The following ERAP2 variants were observed in gnomAD, a reference collection of about 807,000 sequenced individuals.
ERAP2 encodes leukocyte-derived arginine aminopeptidase.
In ERAP2, 118 loss-of-function variants were observed where a neutral mutation model predicts 111.1. The ratio of observed to expected loss-of-function variants is 1.06; its 90% CI spans 0.92 to 1.24. The LOEUF (loss-of-function observed/expected upper bound fraction) is 1.24, where lower values mean the gene tolerates loss of function less well. Among genes scored for constraint, ERAP2 ranks in the 50% most tolerant of loss-of-function variants. ERAP2 has a pLI of 0.00. For missense variants in ERAP2, 1,131 were observed against 1,125.8 expected, an observed-to-expected ratio of 1.00 and a Z score of -0.07; for synonymous variants, 410 against 401.2, an observed-to-expected ratio of 1.02 and a Z score of -0.26.
chr5:96,879,996 C>A lies in ERAP2; in HGVS notation c.311C>A (p.Ala104Asp), dbSNP rs1171664444. Reference sequence around the variant, plus strand: ...AAGATCGAAGTCTTGGTCAGCAATGCTACCCAGTTTATCATCTTGCACAGC... The same window carrying A: ...AAGATCGAAGTCTTGGTCAGCAATGATACCCAGTTTATCATCTTGCACAGC... ...SEKIEVLVSN[A>D]TQFIILHSKD... The change falls in exon 2 of 19, where the codon GCT becomes GAT. Residue 104 changes from alanine to aspartate, a missense_variant. Physicochemically the swap from Ala to Asp is moderately radical, Grantham distance 126. Around this residue, in one of 3 missense-constraint regions of ERAP2, gnomAD observed 847 missense variants for 856.5 expected, o/e 0.99. Coordinates refer to ENST00000437043, the MANE Select transcript of ERAP2 (RefSeq NM_022350.5). 6.2e-7 allele frequency: 1 copy of A among 1,614,072 alleles called. No homozygotes were observed. The highest frequency in any genetic ancestry group is 8.5e-7 in the Non-Finnish European group (1 of 1,180,024).
rs1785292179 is a variant in ERAP2, at chr5:96,900,136, G to T, written c.1519G>T (p.Asp507Tyr). ...SSLSNSCLES[D>Y]FTSGGVCHSD... is the part of the protein sequence containing the mutation. The stretch of plus-strand genomic sequence containing the variant: ...TGTTTTGTAGAGTTGTTTAGAAAGT[G>T]ATTTTACATCTGGTGGAGTTTGTCA... The change falls in exon 10 of 19, where the codon GAT becomes TAT. Residue 507 changes from aspartate (D) to tyrosine (Y), a missense_variant. Asp to Tyr is a radical substitution (Grantham distance 160). Around this residue, in one of 3 missense-constraint regions of ERAP2, gnomAD observed 847 missense variants for 856.5 expected, o/e 0.99. Transcript: ENST00000437043. The T allele has an allele frequency of 6.2e-7, 1 of 1,613,880 alleles. No individual in the cohort carries two copies. Among genetic ancestry groups the T allele is most frequent in the Non-Finnish European group, 8.5e-7 (1 of 1,179,878 alleles).
intron 5 of ERAP2, 125 bp from the exon 6 acceptor site, chr5:96,892,174 T>C (rs1167878193): frequency 1.1e-5 from 10 of 903,058 alleles, no homozygotes; most frequent in Non-Finnish European, 1.7e-5. Context: ...GTTAAGATAT[T>C]CTTGATGTTT....
intron 5 of ERAP2, among the ~76,000 whole-genome samples, chr5:96,891,383 A>G (rs201905352): frequency 4.9e-4 from 73 of 149,842 alleles, no homozygotes; most frequent in South Asian, 8.4e-4. Flanking sequence ...ATATATATAT[A>G]TATGTGTATA....
At chr5:96,914,146 T>TCACACACACACA (rs778108523) in intron 17 of ERAP2, among the ~76,000 whole-genome samples, 5 of 104,724 alleles carry the variant, frequency 4.8e-5, no homozygotes, top group Admixed American at 2.1e-4. Flanking sequence ...TCTCTCTCTC[T>TCACACACACACA]CTCACACACA....
At chr5:96,903,708 C>T (rs1318531262) in intron 13 of ERAP2, 148 bp downstream of exon 13, 1 of 629,660 alleles carries the variant, frequency 1.6e-6, no homozygotes, top group African/African-American at 1.9e-5. Context: ...CAAAGACTAC[C>T]CACTAATAAC....
chr5:96,894,998 A>G (rs1193449578), intron 6 of ERAP2, among the ~76,000 whole-genome samples: 1 of 152,100 alleles, frequency 6.6e-6, no homozygotes, highest in Non-Finnish European at 1.5e-5. Flanking sequence ...GATAGAATGA[A>G]AGTCGAAGAG....
At chr5:96,904,315 T>C (rs536624060) in intron 13 of ERAP2, among the ~76,000 whole-genome samples, 5 of 152,314 alleles carry the variant, frequency 3.3e-5, no homozygotes, top group East Asian at 1.9e-4. Context: ...AGGAAGTATA[T>C]TGTGCATTGC....
At chr5:96,913,540 C>T (rs1367493319) in intron 17 of ERAP2, 83 bp downstream of exon 17, 13 of 1,473,312 alleles carry the variant, frequency 8.8e-6, no homozygotes, top group Non-Finnish European at 1.2e-5. Context: ...AAATGTTTCT[C>T]AAAGCATATA....
In ERAP2 at chr5:96,892,472, A is replaced by T. The variant is rs1784482224; in HGVS notation, c.1125+19A>T. On this transcript the variant is annotated intron_variant, in intron 6 of 18. Coordinates refer to ENST00000437043, the MANE Select transcript of ERAP2 (RefSeq NM_022350.5). ...GCACCAGGTACTTGGCACTCATGAC[A>T]TTATCTCGATATCAGTTCAAAATAA... 6.2e-7 allele frequency: 1 copy of T among 1,613,202 alleles called. No individual in the cohort carries two copies. The highest frequency in any genetic ancestry group is 8.5e-7 in the Non-Finnish European group (1 of 1,179,410).
intron 1 of ERAP2, 77 bp from the exon 2 acceptor site, chr5:96,879,487 C>T: frequency 1.9e-6 from 1 of 536,180 alleles, no homozygotes; most frequent in Non-Finnish European, 3.3e-6. Flanking sequence ...CTCACACATA[C>T]CTTTTTACAT....
chr5:96,889,364 C>G, intron 5 of ERAP2, 59 bp downstream of exon 5: 1 of 1,572,414 alleles, frequency 6.4e-7, no homozygotes, highest in Non-Finnish European at 8.8e-7. Context: ...GCTTTGATCT[C>G]TTCCCTCTTT....
At chr5:96,887,136 T>C (rs1191176722) in intron 4 of ERAP2, among the ~76,000 whole-genome samples, 1 of 149,590 alleles carries the variant, frequency 6.7e-6, no homozygotes, top group African/African-American at 2.4e-5. Context: ...CATACATATA[T>C]ACCCTTTGCA....
In ERAP2 at chr5:96,902,398, A is replaced by G. The variant is rs111618776; in HGVS notation, c.1828+45A>G. The G allele has an allele frequency of 2.1e-3, 2,518 of 1,220,086 alleles. 41 individuals carry two copies. The African/African-American group carries it at 0.031, about 15-fold the overall frequency. The allele number at this position is 1,220,086 out of a possible 1,614,324, so 75.6% of individuals were successfully genotyped here. On this transcript the variant is annotated intron_variant, in intron 12 of 18. Coordinates refer to ENST00000437043, the MANE Select transcript of ERAP2 (RefSeq NM_022350.5). Reference sequence around the variant, plus strand: ...AACAGGTATTTCAATGTGGAAATTAAACATGTGTTGAGCTATTTGAAGGAA... The same window carrying G: ...AACAGGTATTTCAATGTGGAAATTAGACATGTGTTGAGCTATTTGAAGGAA...
At chr5:96,896,229 A>C (rs939121397) in intron 7 of ERAP2, 144 bp from the exon 8 acceptor site, 23 of 583,292 alleles carry the variant, frequency 3.9e-5, no homozygotes, top group Non-Finnish European at 6.5e-5. Context: ...GCCAAAGGGG[A>C]ATACATACAA....
chr5:96,911,966 G>A (rs1786812048), intron 15 of ERAP2, among the ~76,000 whole-genome samples: 2 of 150,350 alleles, frequency 1.3e-5, no homozygotes, highest in African/African-American at 4.9e-5. Context: ...GAGGCGGGCG[G>A]ATCACGAGGT....
intron 10 of ERAP2, among the ~76,000 whole-genome samples, chr5:96,900,908 G>T (rs1461676072): frequency 6.6e-6 from 1 of 151,930 alleles, no homozygotes; most frequent in East Asian, 1.9e-4. Context: ...CAGGCAATTC[G>T]CCCACCTTGG....
rs771069024 is a variant in ERAP2, at chr5:96,900,179, C to A, written c.1562C>A (p.Thr521Lys). The A allele has an allele frequency of 1.9e-6, 3 of 1,613,674 alleles. No homozygotes were observed. The highest frequency in any genetic ancestry group is 1.7e-6 in the Non-Finnish European group (2 of 1,179,782). The stretch of plus-strand genomic sequence containing the variant: ...GTTTGTCATTCGGATCCCAAGATGA[C>A]AAGTAACATGGTAAGGATAAAGAGA... Reference protein sequence around the residue: ...GGVCHSDPKMTSNMLAFLGEN... With the variant: ...GGVCHSDPKMKSNMLAFLGEN... Residue 521 changes from threonine to lysine, a missense_variant, in exon 10 of 19, where the codon ACA (threonine) becomes AAA (lysine). Around this residue, in one of 3 missense-constraint regions of ERAP2, gnomAD observed 847 missense variants for 856.5 expected, o/e 0.99. Coordinates refer to ENST00000437043, the MANE Select transcript of ERAP2 (RefSeq NM_022350.5).
chr5:96,906,472 T>C (rs1786097901), intron 13 of ERAP2, among the ~76,000 whole-genome samples: 1 of 152,150 alleles, frequency 6.6e-6, no homozygotes, highest in South Asian at 2.1e-4. Flanking sequence ...CTGCCTATGT[T>C]GTCCAGGCTG....
chr5:96,898,866 A>C (rs1390668980), intron 9 of ERAP2, among the ~76,000 whole-genome samples: 1 of 152,130 alleles, frequency 6.6e-6, no homozygotes, highest in Admixed American at 6.5e-5. Context: ...CTCAGCACCA[A>C]GTATTGTGTT....
Sources: allele counts gnomAD v4.1 joint callset (sites outside exome capture counted in the v4.1 genomes callset), GRCh38; gene constraint gnomAD v4.1.1; regional missense constraint gnomAD v4.1.1; transcripts MANE v1.5; gene names NCBI Gene and HGNC (gene_info 2026-07-23, HGNC 2026-07-21).